The following PCCA variants were observed in gnomAD, a reference collection of about 807,000 sequenced individuals.
The protein encoded by PCCA is propionyl-CoA carboxylase subunit alpha.
PCCA carries 74 observed loss-of-function variants against 101.3 expected under a neutral mutation model. The ratio of observed to expected loss-of-function variants is 0.73; its 90% CI spans 0.61 to 0.89. The LOEUF is 0.89. PCCA is among the 40% of genes least tolerant of loss of function. The pLI is 0.00. For missense variants in PCCA, 891 were observed against 907.0 expected, an observed-to-expected ratio of 0.98 and a Z score of 0.23; for synonymous variants, 294 against 313.6, an observed-to-expected ratio of 0.94 and a Z score of 0.66.
At chr13:100,109,400 G>A (rs1245336553) in intron 2 of PCCA, among the ~76,000 whole-genome samples, 5 of 152,144 alleles carry the variant, frequency 3.3e-5, no homozygotes, top group Admixed American at 2.6e-4. Context: ...AAATTAGAAT[G>A]GGGATTCTTG....
chr13:100,472,928 A>G (rs1367070222), intron 21 of PCCA, among the ~76,000 whole-genome samples: 4 of 152,146 alleles, frequency 2.6e-5, no homozygotes, highest in African/African-American at 7.2e-5. Flanking sequence ...AAGTAACCAG[A>G]TTTTAGGAAA....
intron 17 of PCCA, among the ~76,000 whole-genome samples, chr13:100,334,097 A>AAAC (rs773078562): frequency 1.2e-4 from 18 of 152,264 alleles, no homozygotes; most frequent in African/African-American, 2.4e-4. Context: ...AAACAAAACA[A>AAAC]AACAACAACA....
At chr13:100,398,163 T>C (rs2077141487) in intron 19 of PCCA, among the ~76,000 whole-genome samples, 2 of 152,214 alleles carry the variant, frequency 1.3e-5, no homozygotes, top group Non-Finnish European at 2.9e-5. Flanking sequence ...TTTCCAGTAG[T>C]GTAACTTAAC....
At position 100,155,676 on chromosome 13, in the gene PCCA, ATTTTCTT is replaced by A. The variant is rs921993496; in HGVS notation, c.414+596_414+602del. On this transcript the variant is annotated intron_variant, in intron 5 of 23. Transcript: ENST00000376285. ...TATCAGAAACAGTGTTTTTTCTTCTATTTTCTTTTTTCTTTTTTTAATTATCAGAACT... is the reference window on the plus strand; with the variant it reads ...TATCAGAAACAGTGTTTTTTCTTCTATTTTCTTTTTTTAATTATCAGAACT... 7.2e-5 allele frequency among the ~76,000 whole-genome samples: 11 copies of A among 152,132 alleles called. No individual in the cohort carries two copies. In the Middle Eastern group the frequency reaches 0.02, roughly 282 times the overall value.
At chr13:100,321,738 A>G (rs575487942) in intron 16 of PCCA, among the ~76,000 whole-genome samples, 2 of 152,142 alleles carry the variant, frequency 1.3e-5, no homozygotes, top group Admixed American at 1.3e-4. Context: ...AGCTAAAGGA[A>G]TAGCATTAAT....
chr13:100,188,409 G>A (rs146583027), intron 6 of PCCA, among the ~76,000 whole-genome samples: 106 of 152,330 alleles, frequency 7.0e-4, no homozygotes, highest in African/African-American at 2.4e-3. Context: ...TTATGGCTGA[G>A]TGGTCGTATT....
intron 20 of PCCA, among the ~76,000 whole-genome samples, chr13:100,444,917 T>A (rs2080708215): frequency 6.6e-6 from 1 of 152,208 alleles, no homozygotes; most frequent in African/African-American, 2.4e-5. Context: ...ATATTTGTCA[T>A]CCTGTCTTAG....
In PCCA at chr13:100,241,054, A is replaced by G. The variant is rs987955969; in HGVS notation, c.637+5176A>G. 2.6e-5 allele frequency among the ~76,000 whole-genome samples: 4 copies of G among 152,276 alleles called. No homozygotes were observed. The East Asian group carries it at 5.8e-4, about 22-fold the overall frequency. ...CCCCTGGCCTGCAGGTAACTTGTTC[A>G]GATTTTTATACTAAAGATTAGATTT... On this transcript the variant is annotated intron_variant, in intron 8 of 23. Transcript: ENST00000376285.
At chr13:100,431,509 C>G (rs1745406485) in intron 20 of PCCA, among the ~76,000 whole-genome samples, 2 of 152,112 alleles carry the variant, frequency 1.3e-5, no homozygotes, top group African/African-American at 4.8e-5. Flanking sequence ...ACAAAGATAC[C>G]TATATTTTCT....
In PCCA at chr13:100,437,114, G is replaced by T. The variant is rs548149844; in HGVS notation, c.1845+11383G>T. ...ATAGTATCAATAGGTGTAGGAAAGG[G>T]TCTGCCTCCTGCTATTCCTGGTTTT... On this transcript the variant is annotated intron_variant, in intron 20 of 23. Transcript: ENST00000376285. Among the ~76,000 whole-genome samples, 11 of 152,284 alleles carry T rather than the reference G, an allele frequency of 7.2e-5. No individual in the cohort carries two copies. The South Asian group carries it at 2.3e-3, about 32-fold the overall frequency.
intron 21 of PCCA, among the ~76,000 whole-genome samples, chr13:100,473,999 T>G (rs1215644118): frequency 2.0e-5 from 3 of 152,232 alleles, no homozygotes; most frequent in Non-Finnish European, 4.4e-5. Context: ...TGCTTTTCAA[T>G]TATTCTAAGG....
In PCCA at chr13:100,150,858, T is replaced by A. The variant is rs879407958; in HGVS notation, c.301-4121T>A. 1.1e-5 allele frequency: 18 copies of A among 1,576,164 alleles called. No homozygotes were observed. The Admixed American group carries it at 3.0e-4, about 26-fold the overall frequency. On this transcript the variant is annotated intron_variant, in intron 4 of 23. Transcript: ENST00000376285. Reference sequence around the variant, plus strand: ...CCATGATGGACAGGCTTGCCATAAGTTGCACCCTTAGGAACTGGGCGTTTT... The same window carrying A: ...CCATGATGGACAGGCTTGCCATAAGATGCACCCTTAGGAACTGGGCGTTTT...
At chr13:100,245,796 A>T (rs900388810) in intron 8 of PCCA, among the ~76,000 whole-genome samples, 4 of 152,188 alleles carry the variant, frequency 2.6e-5, no homozygotes, top group Non-Finnish European at 5.9e-5. Flanking sequence ...AGGTAGTGTC[A>T]TCCCTTGCCT....
chr13:100,209,569 C>A lies in PCCA; in HGVS notation c.600+106C>A, dbSNP rs544580603. On this transcript the variant is annotated intron_variant, in intron 7 of 23. Coordinates refer to ENST00000376285, the MANE Select transcript of PCCA (RefSeq NM_000282.4). ...TGCTTTTTTGGGATATACACACACA[C>A]ACACACATATGCACGCACATACATA... 14 of 828,794 alleles carry A rather than the reference C, an allele frequency of 1.7e-5. No individual in the cohort carries two copies. The African/African-American group carries it at 2.3e-4, about 14-fold the overall frequency. 51.3% of individuals were successfully genotyped at this position (828,794 alleles called of 1,614,324 possible).
At chr13:100,401,387 G>A (rs2077353196) in intron 19 of PCCA, among the ~76,000 whole-genome samples, 1 of 151,976 alleles carries the variant, frequency 6.6e-6, no homozygotes, top group Admixed American at 6.6e-5. Flanking sequence ...GGGACTACAG[G>A]CGTGCACCAC....
At chr13:100,111,515 C>T (rs1362522853) in intron 2 of PCCA, among the ~76,000 whole-genome samples, 1 of 152,094 alleles carries the variant, frequency 6.6e-6, no homozygotes, top group East Asian at 1.9e-4. Flanking sequence ...CTTTTGGCTA[C>T]AGAATATGTA....
At chr13:100,462,129 G>A (rs9582393) in intron 21 of PCCA, among the ~76,000 whole-genome samples, 15,738 of 152,028 alleles carry the variant, frequency 0.1, 1,359 homozygotes, top group African/African-American at 0.24. Flanking sequence ...AAAATTTCAG[G>A]CAAAATATGG....
chr13:100,326,964 A>C (rs1296522150), intron 16 of PCCA, among the ~76,000 whole-genome samples: 1 of 152,118 alleles, frequency 6.6e-6, no homozygotes, highest in African/African-American at 2.4e-5. Flanking sequence ...AGGCACCCCT[A>C]ATCCTCATGT....
At chr13:100,172,209 A>C (rs1296459223) in intron 6 of PCCA, among the ~76,000 whole-genome samples, 1 of 151,910 alleles carries the variant, frequency 6.6e-6, no homozygotes, top group Non-Finnish European at 1.5e-5. Flanking sequence ...TCAAAAAAAA[A>C]AAAAAAATTT....
Sources: allele counts gnomAD v4.1 joint callset (sites outside exome capture counted in the v4.1 genomes callset), GRCh38; gene constraint gnomAD v4.1.1; transcripts MANE v1.5; gene names NCBI Gene and HGNC (gene_info 2026-07-23, HGNC 2026-07-21).